CSMD3: variants seen among roughly 807,000 people sequenced by gnomAD.
CSMD3 encodes the protein CUB and Sushi multiple domains 3, also known as CUB and sushi domain-containing protein 3.
A neutral mutation model predicts 435.2 loss-of-function variants in CSMD3; 177 were observed. That is an observed-to-expected ratio of 0.41 (90% CI 0.36 to 0.46). CSMD3 has a LOEUF of 0.46. CSMD3 is among the 20% of genes least tolerant of loss of function. The pLI is 0.34. For synonymous variants in CSMD3, 1,656 were observed against 1,520.5 expected, an observed-to-expected ratio of 1.09 and a Z score of -2.07; for missense variants, 4,265 against 4,504.6, an observed-to-expected ratio of 0.95 and a Z score of 1.52.
chr8:112,562,221 T>C (rs972083084), intron 24 of CSMD3, among the ~76,000 whole-genome samples: 1 of 151,722 alleles, frequency 6.6e-6, no homozygotes, highest in Non-Finnish European at 1.5e-5. Flanking sequence ...TATGAGTAAC[T>C]ATGTATTCAC....
chr8:112,771,981 T>G (rs1461360416), intron 13 of CSMD3, among the ~76,000 whole-genome samples: 1 of 151,920 alleles, frequency 6.6e-6, no homozygotes, highest in Non-Finnish European at 1.5e-5. Flanking sequence ...ATATAAAAAC[T>G]TCCTTGAATC....
At chr8:113,229,024 A>G (rs936424330) in intron 3 of CSMD3, among the ~76,000 whole-genome samples, 6 of 151,636 alleles carry the variant, frequency 4.0e-5, no homozygotes, top group African/African-American at 1.5e-4. Flanking sequence ...ACATGGTTCT[A>G]TCTGCATTAT....
intron 3 of CSMD3, among the ~76,000 whole-genome samples, chr8:113,218,066 A>C (rs1197878004): frequency 1.3e-5 from 2 of 150,654 alleles, no homozygotes; most frequent in Non-Finnish European, 3.0e-5. Context: ...AGTTCACAGG[A>C]TGCCTTCCTA....
intron 59 of CSMD3, among the ~76,000 whole-genome samples, chr8:112,267,986 C>T (rs753219812): frequency 1.3e-5 from 2 of 151,920 alleles, no homozygotes; most frequent in Non-Finnish European, 2.9e-5. Context: ...AGAATAGTAG[C>T]TCTTTAGTGC....
chr8:112,410,606 A>G (rs1387258118), intron 32 of CSMD3, among the ~76,000 whole-genome samples: 9 of 53,086 alleles, frequency 1.7e-4, no homozygotes, highest in African/African-American at 6.0e-4. Context: ...ATATATGTGT[A>G]TATATATATG....
At chr8:113,277,686 G>GT (rs1182356526) in intron 3 of CSMD3, among the ~76,000 whole-genome samples, 2 of 151,840 alleles carry the variant, frequency 1.3e-5, no homozygotes, top group African/African-American at 4.8e-5. Flanking sequence ...GATAAATTCT[G>GT]TAATATGGTC....
rs1047843709 is a variant in CSMD3, at chr8:113,420,829, A to G, written c.178+15848T>C. Among the ~76,000 whole-genome samples, 5 of 151,982 alleles carry G rather than the reference A, an allele frequency of 3.3e-5. No individual in the cohort carries two copies. In the East Asian group the frequency reaches 9.7e-4, roughly 29 times the overall value. On this transcript the variant is annotated intron_variant, in intron 1 of 70. Coordinates refer to ENST00000297405, the MANE Select transcript of CSMD3 (RefSeq NM_198123.2). ...CAGGGCTTGGTGTCAGGCACCTGCA[A>G]TTACAGCTGCTTGGGAGGCTGAGAC...
intron 22 of CSMD3, among the ~76,000 whole-genome samples, chr8:112,598,935 G>T (rs1160249154): frequency 4.0e-5 from 6 of 150,222 alleles, no homozygotes; most frequent in East Asian, 3.9e-4. Flanking sequence ...AACCTAGGCA[G>T]TACCATTCAG....
At chr8:112,575,705 T>G (rs571986716) in intron 23 of CSMD3, among the ~76,000 whole-genome samples, 1 of 152,242 alleles carries the variant, frequency 6.6e-6, no homozygotes, top group African/African-American at 2.4e-5. Context: ...TTTGTTTGAT[T>G]ACATAACATT....
chr8:112,526,880 A>T (rs569108824), intron 27 of CSMD3, among the ~76,000 whole-genome samples: 2 of 152,072 alleles, frequency 1.3e-5, no homozygotes, highest in South Asian at 4.1e-4. Context: ...GTGAGGTGGT[A>T]TAATATTATT....
intron 22 of CSMD3, among the ~76,000 whole-genome samples, chr8:112,603,467 T>TGTAGTA (rs1563757751): frequency 1.3e-5 from 2 of 152,188 alleles, no homozygotes; most frequent in African/African-American, 4.8e-5. Context: ...AAATTATTAC[T>TGTAGTA]CTAGTACAGT....
At chr8:112,348,065 G>C (rs955542506) in intron 40 of CSMD3, among the ~76,000 whole-genome samples, 1 of 152,152 alleles carries the variant, frequency 6.6e-6, no homozygotes, top group African/African-American at 2.4e-5. Flanking sequence ...ACAGAATAGA[G>C]TAAAGAGATA....
intron 5 of CSMD3, among the ~76,000 whole-genome samples, chr8:113,078,185 A>G (rs1276738292): frequency 2.6e-5 from 4 of 152,166 alleles, no homozygotes; most frequent in African/African-American, 9.7e-5. Flanking sequence ...GCAGACTATC[A>G]TATTATTGGA....
At chr8:112,550,558 G>A (rs1000786081) in intron 27 of CSMD3, 113 bp downstream of exon 27, 21 of 634,762 alleles carry the variant, frequency 3.3e-5, no homozygotes, top group Middle Eastern at 4.3e-4. Context: ...CTAGAAACAC[G>A]AATATTTAAA....
chr8:113,100,640 T>G (rs896002016), intron 4 of CSMD3, among the ~76,000 whole-genome samples: 1 of 152,100 alleles, frequency 6.6e-6, no homozygotes, highest in Non-Finnish European at 1.5e-5. Context: ...ATAGTTCAAG[T>G]GTTCTCATCT....
At chr8:113,064,339 C>A (rs1230856811) in intron 5 of CSMD3, among the ~76,000 whole-genome samples, 1 of 151,762 alleles carries the variant, frequency 6.6e-6, no homozygotes, top group Non-Finnish European at 1.5e-5. Flanking sequence ...CCATTTTGTC[C>A]ATTTCATTAA....
intron 13 of CSMD3, among the ~76,000 whole-genome samples, chr8:112,749,022 T>A (rs1387365237): frequency 3.9e-5 from 6 of 152,208 alleles, no homozygotes; most frequent in Non-Finnish European, 7.3e-5. Flanking sequence ...GACTTTTTAA[T>A]AGTAGCCATT....
At chr8:113,126,783 T>C (rs1327700582) in intron 4 of CSMD3, among the ~76,000 whole-genome samples, 2 of 151,932 alleles carry the variant, frequency 1.3e-5, no homozygotes, top group African/African-American at 4.8e-5. Flanking sequence ...CAGAGGATTC[T>C]GTTTACCCTG....
intron 35 of CSMD3, among the ~76,000 whole-genome samples, chr8:112,405,803 TTTTGGATTC>T (rs1294064772): frequency 2.6e-5 from 4 of 152,058 alleles, no homozygotes; most frequent in African/African-American, 9.7e-5. Flanking sequence ...AAAAGTCAGC[TTTTGGATTC>T]TTAAAAGATC....
Sources: gnomAD v4.1 joint callset for allele counts (sites outside exome capture counted in the v4.1 genomes callset) on GRCh38, gnomAD v4.1.1 for gene constraint, MANE v1.5 for transcripts, NCBI Gene and HGNC (gene_info 2026-07-23, HGNC 2026-07-21) for gene names.